CHKA: variants seen among roughly 807,000 people sequenced by gnomAD.
CHKA encodes the protein CHETK-alpha.
In CHKA, 34 loss-of-function variants were observed where a neutral mutation model predicts 60.1. The ratio of observed to expected loss-of-function variants is 0.57; its 90% confidence interval spans 0.43 to 0.75. CHKA has a LOEUF of 0.75. Among genes scored for constraint, CHKA ranks in the 30% least tolerant of loss-of-function variants. The pLI, the probability that CHKA is intolerant of heterozygous loss-of-function variation, is 0.00. For synonymous variants in CHKA, 217 were observed against 223.1 expected (o/e 0.97, Z 0.24); for missense variants, 563 against 561.3 (o/e 1.00, Z -0.03).
Position 68,069,191 on chromosome 11 carries a change from G to A in CHKA, c.870-254C>T, listed in dbSNP as rs115743392. Among the ~76,000 whole-genome samples, 1,216 of 152,142 alleles carry A rather than the reference G, an allele frequency of 8.0e-3. 15 individuals carry two copies. The highest frequency in any genetic ancestry group is 0.028 in the African/African-American group (1,142 of 41,512). On this transcript the variant is annotated intron_variant, in intron 6 of 11. Transcript: ENST00000265689. ...TGGAGCCCCTTTCTCTGCTGGTCTCGGCTTGTATAGCACCCCCTTAGACAG... is the reference window on the plus strand; with the variant it reads ...TGGAGCCCCTTTCTCTGCTGGTCTCAGCTTGTATAGCACCCCCTTAGACAG...
At chr11:68,117,451 G>A (rs1858433934) in intron 1 of CHKA, among the ~76,000 whole-genome samples, 1 of 152,222 alleles carries the variant, frequency 6.6e-6, no homozygotes, top group Admixed American at 6.5e-5. Context: ...CACTTTGGGA[G>A]GCCAAGGAGG....
At chr11:68,092,226 G>A (rs1408477334) in intron 2 of CHKA, among the ~76,000 whole-genome samples, 1 of 152,008 alleles carries the variant, frequency 6.6e-6, no homozygotes, top group Non-Finnish European at 1.5e-5. Context: ...TATTATTGGG[G>A]GCTCTGTATT....
intron 1 of CHKA, among the ~76,000 whole-genome samples, chr11:68,102,812 A>G (rs1857775580): frequency 6.6e-6 from 1 of 152,218 alleles, no homozygotes; most frequent in Non-Finnish European, 1.5e-5. Context: ...TAAGGGGATA[A>G]TATAGAAAAT....
chr11:68,077,970 G>A (rs113637155), intron 3 of CHKA, among the ~76,000 whole-genome samples: 2,588 of 152,258 alleles, frequency 0.017, 38 homozygotes, highest in Non-Finnish European at 0.026. Context: ...AGATTGCCGG[G>A]TGGACTGGGG....
chr11:68,085,756 T>TG (rs1457547471), intron 2 of CHKA, among the ~76,000 whole-genome samples: 38 of 152,054 alleles, frequency 2.5e-4, no homozygotes, highest in Admixed American at 2.5e-3. Context: ...TTTGGGGTTT[T>TG]TTTGTTTGTT....
chr11:68,076,519 T>A (rs1856794868), intron 3 of CHKA, among the ~76,000 whole-genome samples: 1 of 152,156 alleles, frequency 6.6e-6, no homozygotes, highest in African/African-American at 2.4e-5. Flanking sequence ...TATGCTCCCC[T>A]GCTCCCCAGG....
chr11:68,055,835 A>C (rs1007174052), intron 11 of CHKA, among the ~76,000 whole-genome samples: 3 of 152,038 alleles, frequency 2.0e-5, no homozygotes, highest in African/African-American at 7.2e-5. Flanking sequence ...ACCTGAGGTC[A>C]GGAGTTCGAG....
chr11:68,054,957 T>C (rs560911867), intron 11 of CHKA, among the ~76,000 whole-genome samples: 1 of 152,156 alleles, frequency 6.6e-6, no homozygotes, highest in South Asian at 2.1e-4. Flanking sequence ...CAGCGTGCTG[T>C]CTCTGAGTGG....
chr11:68,121,000 G>GC lies in CHKA; in HGVS notation c.177_178insG (p.Pro60AlafsTer62). 8.9e-7 allele frequency: 1 copy of GC among 1,120,512 alleles called. No homozygotes were observed. Among genetic ancestry groups the GC allele is most frequent in the Non-Finnish European group, 1.1e-6 (1 of 917,246 alleles). The allele number at this position is 1,120,512 out of a possible 1,614,324, so 69.4% of individuals were successfully genotyped here. On this transcript the variant is annotated frameshift_variant, in exon 1 of 12. Coordinates refer to ENST00000265689, the MANE Select transcript of CHKA (RefSeq NM_001277.3). LOFTEE classifies it high-confidence loss of function. ...GGCAGCGGCAGCGGCAGCGGCGGCGGAGGGGGCAGCGCGAGCGGCGGCTGT... is the reference window on the plus strand; with the variant it reads ...GGCAGCGGCAGCGGCAGCGGCGGCGGCAGGGGGCAGCGCGAGCGGCGGCTGT...
intron 8 of CHKA, 124 bp downstream of exon 8, chr11:68,066,305 T>A (rs1669411362): frequency 1.3e-6 from 1 of 773,560 alleles, no homozygotes; most frequent in Non-Finnish European, 2.2e-6. Context: ...AGCCACTGAT[T>A]CCAGGTGAAG....
chr11:68,079,596 G>T (rs564665074), intron 3 of CHKA, among the ~76,000 whole-genome samples: 10 of 152,282 alleles, frequency 6.6e-5, no homozygotes, highest in African/African-American at 2.4e-4. Context: ...CTCCCAAAGT[G>T]CTAGGATTAC....
intron 3 of CHKA, among the ~76,000 whole-genome samples, chr11:68,079,724 A>C (rs1387999461): frequency 6.6e-6 from 1 of 152,228 alleles, no homozygotes; most frequent in Non-Finnish European, 1.5e-5. Flanking sequence ...CATAAAAAAG[A>C]CTGAAATCGG....
At chr11:68,083,543 G>T (rs543440934) in intron 2 of CHKA, among the ~76,000 whole-genome samples, 1 of 152,248 alleles carries the variant, frequency 6.6e-6, no homozygotes, top group South Asian at 2.1e-4. Context: ...TTCTTAGGGA[G>T]ATACAGTTAA....
intron 2 of CHKA, among the ~76,000 whole-genome samples, chr11:68,086,530 ACTT>A (rs1857181555): frequency 6.6e-6 from 1 of 152,236 alleles, no homozygotes; most frequent in East Asian, 1.9e-4. Context: ...TTAATGAAAG[ACTT>A]CTCTAATACT....
chr11:68,070,370 T>C (rs75812975), intron 5 of CHKA, 77 bp from the exon 6 acceptor site: 898 of 1,098,042 alleles, frequency 8.2e-4, no homozygotes, highest in Non-Finnish European at 1.1e-3. Context: ...TCTTGGGGCT[T>C]TGGTTAAACA....
rs561757395 is a variant in CHKA, at chr11:68,111,373, T to C, written c.350+9455A>G. Among the ~76,000 whole-genome samples the C allele has an allele frequency of 4.4e-4, 66 of 150,284 alleles. No individual in the cohort carries two copies. In the South Asian group the frequency reaches 0.013, roughly 30 times the overall value. ...GTTGCAGTGAGCCGAGATCGTGCCA[T>C]TGCACTCCAGCCTGGGCAACAAAAG... On this transcript the variant is annotated intron_variant, in intron 1 of 11. Coordinates refer to ENST00000265689, the MANE Select transcript of CHKA (RefSeq NM_001277.3).
rs1446830035 is a variant in CHKA, at chr11:68,052,954, A to AAGTC, written c.*1030_*1033dup. 6.6e-6 allele frequency: 1 copy of AAGTC among 152,600 alleles called. No individual in the cohort carries two copies. The highest frequency in any genetic ancestry group is 2.4e-5 in the African/African-American group (1 of 41,448). 9.5% of individuals were successfully genotyped at this position (152,600 alleles called of 1,614,324 possible). A position where few individuals can be genotyped will look rare whatever the true frequency, so the allele number is the denominator to read the frequency against. On this transcript the variant is annotated 3_prime_UTR_variant, in exon 12 of 12. Coordinates refer to ENST00000265689, the MANE Select transcript of CHKA (RefSeq NM_001277.3). ...TCAAATAAGAGTTCAGAGTAAAAAA[A>AAGTC]AGTCAGCTAAGACTGTATCCCGCAG... is the stretch of plus-strand genomic sequence containing the variant.
At chr11:68,065,757 T>G in intron 9 of CHKA, 29 bp downstream of exon 9, 1 of 1,391,398 alleles carries the variant, frequency 7.2e-7, no homozygotes, top group East Asian at 2.3e-5. Flanking sequence ...GTAATTTTCC[T>G]ATCAAGTATA....
In CHKA at chr11:68,054,008, T is replaced by C. The variant is rs777132759; in HGVS notation, c.1354A>G (p.Lys452Glu). The part of the protein sequence containing the change: ...QARFDAYFHQ[K>E]RKLGV ...CACAGTCACACCCCAAGCTTCCTCT[T>C]CTGGTGGAAATAGGCATCAAACCTT... The change falls in exon 12 of 12, where the codon AAG becomes GAG. Residue 452 changes from lysine to glutamate, a missense_variant. By Grantham distance (56) the Lys-to-Glu change is moderately conservative. Coordinates refer to ENST00000265689, the MANE Select transcript of CHKA (RefSeq NM_001277.3). 1 of 1,613,648 alleles carries C rather than the reference T, an allele frequency of 6.2e-7. No homozygotes were observed. The highest frequency in any genetic ancestry group is 1.7e-5 in the Admixed American group (1 of 59,940).
Sources: allele counts gnomAD v4.1 joint callset (sites outside exome capture counted in the v4.1 genomes callset), GRCh38; gene constraint gnomAD v4.1.1; transcripts MANE v1.5; gene names NCBI Gene and HGNC (gene_info 2026-07-23, HGNC 2026-07-21).